LTV1: variants seen among roughly 807,000 people sequenced by gnomAD.
The protein encoded by LTV1 is protein LTV1 homolog.
Under a neutral mutation model 59.9 loss-of-function variants are expected in LTV1, and 39 were observed. The ratio of observed to expected loss-of-function variants is 0.65; its 90% confidence interval spans 0.50 to 0.85. The LOEUF is 0.85. Ranked by LOEUF, LTV1 falls within the 40% of genes least tolerant of loss-of-function variation. The pLI, the probability that LTV1 is intolerant of heterozygous loss-of-function variation, is 0.00. For synonymous variants in LTV1, 171 were observed against 189.5 expected, an observed-to-expected ratio of 0.90 and a Z score of 0.80; for missense variants, 493 against 549.1, an observed-to-expected ratio of 0.90 and a Z score of 1.02.
At position 143,862,835 on chromosome 6, in the gene LTV1, T is replaced by C; in HGVS notation, c.1064-9T>C. The stretch of plus-strand genomic sequence containing the variant: ...CTTACTGATACATGACTTTTATTTG[T>C]TTGTTTAGGTACATACTCAAATTTA... On this transcript the variant is annotated splice_polypyrimidine_tract_variant and intron_variant, in intron 8 of 10. Coordinates refer to ENST00000367576, the MANE Select transcript of LTV1 (RefSeq NM_032860.5). The surrounding 1 kb of genome is among the most constrained non-coding windows in gnomAD (Gnocchi z 4.2). 1 of 1,522,396 alleles carries C rather than the reference T, an allele frequency of 6.6e-7. No individual in the cohort carries two copies. Among genetic ancestry groups the C allele is most frequent in the Non-Finnish European group, 9.1e-7 (1 of 1,096,864 alleles). 94.3% of individuals were successfully genotyped at this position (1,522,396 alleles called of 1,614,324 possible). A position where few individuals can be genotyped will look rare whatever the true frequency, so the allele number is the denominator to read the frequency against.
intron 4 of LTV1, among the ~76,000 whole-genome samples, chr6:143,856,732 G>A (rs1230734140): frequency 6.6e-6 from 1 of 152,320 alleles, no homozygotes. Flanking sequence ...GTCCAGTCCA[G>A]TCCCTGTTTG....
intron 2 of LTV1, among the ~76,000 whole-genome samples, 188 bp downstream of exon 2, chr6:143,844,805 A>G (rs1460673238): frequency 3.3e-5 from 5 of 151,902 alleles, no homozygotes; most frequent in Non-Finnish European, 5.9e-5. Flanking sequence ...ACGCCTTGCT[A>G]TGTTAATAGT....
At chr6:143,860,755 T>TA in intron 7 of LTV1, among the ~76,000 whole-genome samples, 1 of 152,186 alleles carries the variant, frequency 6.6e-6, no homozygotes, top group East Asian at 1.9e-4. Flanking sequence ...TCCATAAACT[T>TA]GGGTCATGTA....
Position 143,862,124 on chromosome 6 carries a change from T to C in LTV1, c.944T>C (p.Leu315Pro). The change falls in exon 8 of 11, where the codon CTT (leucine) becomes CCT (proline). Residue 315 changes from leucine (L) to proline (P), a missense_variant. Leu to Pro is a moderately conservative substitution (Grantham distance 98, BLOSUM62 -3). Transcript: ENST00000367576. This position sits in a 1 kb window ranked among gnomAD's most constrained non-coding sequence, Gnocchi z 4.2. Reference sequence around the variant, plus strand: ...AAAAGTTGTGTAAAATTGAATACCCTTGAACCCTTGGAGGATCAAGACCTG... The same window carrying C: ...AAAAGTTGTGTAAAATTGAATACCCCTGAACCCTTGGAGGATCAAGACCTG... Reference protein sequence around the residue: ...KAENCVKLNTLEPLEDQDLPM... With the variant: ...KAENCVKLNTPEPLEDQDLPM... The C allele has an allele frequency of 6.2e-7, 1 of 1,614,006 alleles. No individual in the cohort carries two copies. Among genetic ancestry groups the C allele is most frequent in the Non-Finnish European group, 8.5e-7 (1 of 1,179,950 alleles).
intron 1 of LTV1, among the ~76,000 whole-genome samples, 158 bp downstream of exon 1, chr6:143,843,638 G>T (rs543983057): frequency 6.6e-6 from 1 of 152,338 alleles, no homozygotes; most frequent in African/African-American, 2.4e-5. Context: ...ACCACCGTGG[G>T]CATTCTTTGC....
At position 143,857,170 on chromosome 6, in the gene LTV1, C is replaced by T. The variant is rs1268212225; in HGVS notation, c.398-133C>T. 17 of 1,087,200 alleles carry T rather than the reference C, an allele frequency of 1.6e-5. No homozygotes were observed. The highest frequency in any genetic ancestry group is 2.0e-5 in the Non-Finnish European group (15 of 748,908). 67.3% of individuals were successfully genotyped at this position (1,087,200 alleles called of 1,614,324 possible). A position where few individuals can be genotyped will look rare whatever the true frequency, so the allele number is the denominator to read the frequency against. Reference sequence around the variant, plus strand: ...ATTCTTTATTCTTCACTAGACTGAACTTAGTTCTTAATCGTTCTTTTATCC... The same window carrying T: ...ATTCTTTATTCTTCACTAGACTGAATTTAGTTCTTAATCGTTCTTTTATCC... On this transcript the variant is annotated intron_variant, in intron 4 of 10. Coordinates refer to ENST00000367576, the MANE Select transcript of LTV1 (RefSeq NM_032860.5). This position sits in a 1 kb window ranked among gnomAD's most constrained non-coding sequence, Gnocchi z 5.2.
At position 143,859,358 on chromosome 6, in the gene LTV1, ATGT is replaced by A. The variant is rs1465542534; in HGVS notation, c.796-1064_796-1062del. 2.6e-5 allele frequency among the ~76,000 whole-genome samples: 4 copies of A among 152,080 alleles called. No individual in the cohort carries two copies. The East Asian group carries it at 7.7e-4, about 29-fold the overall frequency. On this transcript the variant is annotated intron_variant, in intron 6 of 10. Transcript: ENST00000367576. ...ATAACACCTCCTAACATCATCTCTA[ATGT>A]TGTGCTTTATTATGTATGTTATATA...
intron 3 of LTV1, among the ~76,000 whole-genome samples, chr6:143,847,370 A>G (rs968836766): frequency 2.1e-4 from 32 of 152,052 alleles, no homozygotes; most frequent in African/African-American, 7.5e-4. Context: ...TGTTGTTGTT[A>G]TTGTTGTTGA....
At chr6:143,859,496 G>A (rs1777128086) in intron 6 of LTV1, among the ~76,000 whole-genome samples, 3 of 152,178 alleles carry the variant, frequency 2.0e-5, no homozygotes, top group African/African-American at 4.8e-5. Context: ...TGTAATAGAA[G>A]TTTAAAGTGT....
chr6:143,862,930 G>A lies in LTV1; in HGVS notation c.1116+34G>A. 1 of 1,522,192 alleles carries A rather than the reference G, an allele frequency of 6.6e-7. No individual in the cohort carries two copies. The highest frequency in any genetic ancestry group is 9.1e-7 in the Non-Finnish European group (1 of 1,096,736). 94.3% of individuals were successfully genotyped at this position (1,522,192 alleles called of 1,614,324 possible). On this transcript the variant is annotated intron_variant, in intron 9 of 10. Coordinates refer to ENST00000367576, the MANE Select transcript of LTV1 (RefSeq NM_032860.5). The surrounding 1 kb of genome is among the most constrained non-coding windows in gnomAD (Gnocchi z 4.2). ...TAGTGTGCTGAGCTATTTGAAGGAT[G>A]CAGTGCATAAAAAATAGAGTGCACA...
chr6:143,851,965 G>A (rs928299177), intron 4 of LTV1, among the ~76,000 whole-genome samples: 2 of 152,094 alleles, frequency 1.3e-5, no homozygotes, highest in South Asian at 2.1e-4. Flanking sequence ...TCTTTATCCA[G>A]TCTGTCATTG....
rs754394197 is a variant in LTV1, at chr6:143,857,383, G to A, written c.478G>A (p.Glu160Lys). 1 of 1,614,076 alleles carries A rather than the reference G, an allele frequency of 6.2e-7. No individual in the cohort carries two copies. Among genetic ancestry groups the A allele is most frequent in the Non-Finnish European group, 8.5e-7 (1 of 1,179,986 alleles). The stretch of plus-strand genomic sequence containing the variant: ...CTTTGATGATCCAGATAATCTGCTT[G>A]AGGATGACTTTATTCTTCAGGCCAA... ...FDFDDPDNLL[E>K]DDFILQANKA... The change falls in exon 5 of 11, where the codon GAG (glutamate) becomes AAG (lysine). Residue 160 changes from glutamate to lysine, a missense_variant. Glu to Lys is a moderately conservative substitution (Grantham distance 56, BLOSUM62 1). Transcript: ENST00000367576. This position sits in a 1 kb window ranked among gnomAD's most constrained non-coding sequence, Gnocchi z 5.2.
rs895525915 is a variant in LTV1 at position 143,863,728 on chromosome 6, A to G, written c.*201A>G. On this transcript the variant is annotated 3_prime_UTR_variant, in exon 11 of 11. Coordinates refer to ENST00000367576, the MANE Select transcript of LTV1 (RefSeq NM_032860.5). The surrounding 1 kb of genome is among the most constrained non-coding windows in gnomAD (Gnocchi z 4.5). ...TTGTAATACTTTAATTTTTAATATT[A>G]TAAGCTTACATTTGCTCTGAAGTAA... 3 of 413,362 alleles carry G rather than the reference A, an allele frequency of 7.3e-6. No homozygotes were observed. The highest frequency in any genetic ancestry group is 6.0e-5 in the African/African-American group (3 of 49,724). 25.6% of individuals were successfully genotyped at this position (413,362 alleles called of 1,614,324 possible).
chr6:143,851,933 A>G (rs990988460), intron 4 of LTV1, among the ~76,000 whole-genome samples: 2 of 152,134 alleles, frequency 1.3e-5, no homozygotes, highest in African/African-American at 2.4e-5. Context: ...ATAGTATTCC[A>G]TGGTGTATAT....
chr6:143,847,561 G>C (rs191377360), intron 3 of LTV1, among the ~76,000 whole-genome samples: 1 of 152,172 alleles, frequency 6.6e-6, no homozygotes, highest in African/African-American at 2.4e-5. Flanking sequence ...GGGTTTCTCC[G>C]TGTTGGTCAG....
chr6:143,846,212 G>T lies in LTV1; in HGVS notation c.297G>T (p.Thr99=), dbSNP rs144368219. 3 of 1,609,744 alleles carry T rather than the reference G, an allele frequency of 1.9e-6. No individual in the cohort carries two copies. The highest frequency in any genetic ancestry group is 1.1e-5 in the South Asian group (1 of 89,908). ...AHNRREEKEE[T]LVIPSTGIKL... is the part of the protein sequence containing the mutation. ...ACAGGAGAGAGGAGAAAGAAGAAAC[G>T]CTAGTAATTCCAGTAAGGCTTTTCA... The change falls in exon 3 of 11, where the codon ACG becomes ACT. Residue 99 remains threonine, a synonymous_variant. Coordinates refer to ENST00000367576, the MANE Select transcript of LTV1 (RefSeq NM_032860.5).
intron 4 of LTV1, among the ~76,000 whole-genome samples, chr6:143,854,203 T>C (rs932241377): frequency 6.6e-6 from 1 of 152,224 alleles, no homozygotes; most frequent in Non-Finnish European, 1.5e-5. Flanking sequence ...CAGGAATTTA[T>C]CCATTTCTTC....
rs1244312144 is a variant in LTV1, at chr6:143,855,849, G to A, written c.398-1454G>A. On this transcript the variant is annotated intron_variant, in intron 4 of 10. Coordinates refer to ENST00000367576, the MANE Select transcript of LTV1 (RefSeq NM_032860.5). This position sits in a 1 kb window ranked among gnomAD's most constrained non-coding sequence, Gnocchi z 4.6. ...ATGGGCTTCTCTTTGTGGGTAACCC[G>A]ACCTTTCTCTCTGGCTGCCCTTAAC... Among the ~76,000 whole-genome samples the A allele has an allele frequency of 2.6e-5, 4 of 152,098 alleles. No individual in the cohort carries two copies. The highest frequency in any genetic ancestry group is 6.5e-5 in the Admixed American group (1 of 15,274).
chr6:143,850,258 AT>A, intron 4 of LTV1, 40 bp downstream of exon 4: 3 of 1,489,526 alleles, frequency 2.0e-6, no homozygotes, highest in Non-Finnish European at 1.9e-6. Context: ...GGATAAATGT[AT>A]TTTGCAAAAC....
Sources: allele counts gnomAD v4.1 joint callset (sites outside exome capture counted in the v4.1 genomes callset), GRCh38; gene constraint gnomAD v4.1.1; non-coding constraint Gnocchi (gnomAD v3.1); transcripts MANE v1.5; gene names NCBI Gene and HGNC (gene_info 2026-07-23, HGNC 2026-07-21).